Variants in CSGALNACT1 observed in about 807,000 individuals in gnomAD.
CSGALNACT1 encodes the protein chondroitin sulfate N-acetylgalactosaminyltransferase 1.
Under a neutral mutation model 51.0 loss-of-function variants are expected in CSGALNACT1, and 52 were observed. The observed-to-expected ratio is 1.02, with a 90% CI of 0.82 to 1.29. CSGALNACT1 has a LOEUF of 1.29. Among genes scored for constraint, CSGALNACT1 ranks in the 50% most tolerant of loss-of-function variants. The probability of loss-of-function intolerance (pLI) is 0.00; values close to 1 mark genes in which losing one functional copy is unlikely to be tolerated. For missense variants in CSGALNACT1, 935 were observed against 679.2 expected (o/e 1.38, Z -4.19); for synonymous variants, 341 against 254.4 (o/e 1.34, Z -3.24).
At chr8:19,686,056 C>T (rs1294101091), upstream of CSGALNACT1, among the ~76,000 whole-genome samples, 1 of 152,190 alleles carries the variant, frequency 6.6e-6, no homozygotes, top group Non-Finnish European at 1.5e-5. Flanking sequence ...GCTGCCTTTA[C>T]ACAAATGACT....
At chr8:19,533,367 C>T (rs2083155164) in intron 3 of CSGALNACT1, among the ~76,000 whole-genome samples, 1 of 152,168 alleles carries the variant, frequency 6.6e-6, no homozygotes, top group South Asian at 2.1e-4. Context: ...AGTGATCCTC[C>T]TGCCCTGGCC....
At chr8:19,532,573 A>C (rs781519480) in intron 3 of CSGALNACT1, among the ~76,000 whole-genome samples, 1 of 152,104 alleles carries the variant, frequency 6.6e-6, no homozygotes. Context: ...TTCAATCATG[A>C]TTTTCAAAAA....
intron 1 of CSGALNACT1, among the ~76,000 whole-genome samples, chr8:19,748,241 T>C (rs997806433): frequency 6.6e-6 from 1 of 152,170 alleles, no homozygotes; most frequent in African/African-American, 2.4e-5. Context: ...CAGGGGACAT[T>C]AGGAATTCAT....
chr8:19,567,585 C>CT (rs2042149347), intron 3 of CSGALNACT1, among the ~76,000 whole-genome samples: 1 of 152,214 alleles, frequency 6.6e-6, no homozygotes, highest in Non-Finnish European at 1.5e-5. Context: ...AGGATACCCA[C>CT]TACCATCACT....
chr8:19,744,617 G>A (rs1589796073), intron 1 of CSGALNACT1, among the ~76,000 whole-genome samples: 3 of 152,266 alleles, frequency 2.0e-5, no homozygotes, highest in Admixed American at 2.0e-4. Context: ...CACATAGTAT[G>A]TAGGAATATA....
At chr8:19,461,314 C>T (rs2065300269) in intron 4 of CSGALNACT1, among the ~76,000 whole-genome samples, 1 of 152,212 alleles carries the variant, frequency 6.6e-6, no homozygotes, top group African/African-American at 2.4e-5. Flanking sequence ...GGCTCTTTTC[C>T]CATCTCTGAT....
In CSGALNACT1 at chr8:19,421,643, T is replaced by C. The variant is rs17479120; in HGVS notation, c.954-1125A>G. Among the ~76,000 whole-genome samples, 1,220 of 152,348 alleles carry C rather than the reference T, an allele frequency of 8.0e-3. 7 individuals are homozygous for C. The highest frequency in any genetic ancestry group is 0.011 in the Non-Finnish European group (778 of 68,032). On this transcript the variant is annotated intron_variant, in intron 6 of 9. Coordinates refer to ENST00000454498, the Ensembl canonical transcript of CSGALNACT1. ...GAAACTCATTTCCAGTTTGTAAAGTTTGCATTCCAAGTACCCGTCTCGGGT... is the reference window on the plus strand; with the variant it reads ...GAAACTCATTTCCAGTTTGTAAAGTCTGCATTCCAAGTACCCGTCTCGGGT...
intron 1 of CSGALNACT1, among the ~76,000 whole-genome samples, chr8:19,689,806 T>C (rs186565077): frequency 6.6e-6 from 1 of 152,336 alleles, no homozygotes; most frequent in East Asian, 1.9e-4. Context: ...CAGCAAGTTT[T>C]AGCATAAAGA....
chr8:19,428,863 G>C (rs1165818110), intron 6 of CSGALNACT1, among the ~76,000 whole-genome samples: 1 of 147,678 alleles, frequency 6.8e-6, no homozygotes, highest in South Asian at 2.1e-4. Flanking sequence ...GTGTGTGTGT[G>C]TGTGTGTGTG....
At chr8:19,494,331 C>T in intron 4 of CSGALNACT1, among the ~76,000 whole-genome samples, 1 of 152,112 alleles carries the variant, frequency 6.6e-6, no homozygotes, top group East Asian at 1.9e-4. Flanking sequence ...CTTTGGCCTA[C>T]ACCAATTCTA....
rs138515221 is a variant in CSGALNACT1, at chr8:19,572,114, G to A, written c.-297+19046C>T. Among the ~76,000 whole-genome samples, 116 of 152,122 alleles carry A rather than the reference G, an allele frequency of 7.6e-4. 1 individual carries two copies. The highest frequency in any genetic ancestry group is 4.6e-3 in the South Asian group (22 of 4,824). ...TCTGCCAGTCAACCAGAAAAACATC[G>A]GCAACAACAACAAAAATATTTACAT... On this transcript the variant is annotated intron_variant, in intron 3 of 9. Transcript: ENST00000454498.
chr8:19,558,554 C>T (rs184378324), intron 3 of CSGALNACT1, among the ~76,000 whole-genome samples: 48 of 152,136 alleles, frequency 3.2e-4, no homozygotes, highest in African/African-American at 9.9e-4. Context: ...TAACATAAAT[C>T]GAAATTATAT....
At chr8:19,717,635 G>A (rs891253729) in intron 1 of CSGALNACT1, among the ~76,000 whole-genome samples, 31 of 152,110 alleles carry the variant, frequency 2.0e-4, no homozygotes, top group African/African-American at 6.8e-4. Context: ...CAGCTAATAC[G>A]CCCTATTCGG....
At chr8:19,420,954 T>A (rs2057825160) in intron 6 of CSGALNACT1, among the ~76,000 whole-genome samples, 1 of 152,214 alleles carries the variant, frequency 6.6e-6, no homozygotes, top group Admixed American at 6.5e-5. Context: ...TGCATTCACA[T>A]CCAGGAGCCA....
chr8:19,679,398 A>T (rs1417930693), intron 1 of CSGALNACT1, among the ~76,000 whole-genome samples: 1 of 152,110 alleles, frequency 6.6e-6, no homozygotes, highest in Non-Finnish European at 1.5e-5. Flanking sequence ...TCGAGGCTGC[A>T]ATGAGCCATG....
intron 3 of CSGALNACT1, among the ~76,000 whole-genome samples, chr8:19,562,429 A>T (rs2040950788): frequency 6.6e-6 from 1 of 151,884 alleles, no homozygotes; most frequent in Non-Finnish European, 1.5e-5. Context: ...GTCAAAAGCA[A>T]TTTCATCAAA....
At chr8:19,480,417 T>G (rs970211854) in intron 4 of CSGALNACT1, among the ~76,000 whole-genome samples, 1 of 152,190 alleles carries the variant, frequency 6.6e-6, no homozygotes, top group African/African-American at 2.4e-5. Context: ...GGTCTCCAGC[T>G]CCATCCAGGT....
At position 19,433,554 on chromosome 8, in the gene CSGALNACT1, G is replaced by A. The variant is rs1412640121; in HGVS notation, c.953+6276C>T. Among the ~76,000 whole-genome samples the A allele has an allele frequency of 3.3e-5, 5 of 152,268 alleles. No homozygotes were observed. The South Asian group carries it at 1.0e-3, about 32-fold the overall frequency. On this transcript the variant is annotated intron_variant, in intron 6 of 9. Transcript: ENST00000454498. ...TTAAACACTTCCTATAATTGTTTTA[G>A]ACAAATGCTCTCCCTGAAGAAAATA...
intron 1 of CSGALNACT1, among the ~76,000 whole-genome samples, chr8:19,616,976 T>A (rs2053117879): frequency 6.6e-6 from 1 of 152,220 alleles, no homozygotes; most frequent in African/African-American, 2.4e-5. Context: ...ATTTCTATTA[T>A]TACCACATTG....
Sources: allele counts gnomAD v4.1 joint callset (sites outside exome capture counted in the v4.1 genomes callset), GRCh38; gene constraint gnomAD v4.1.1; transcripts MANE v1.5; gene names NCBI Gene and HGNC (gene_info 2026-07-23, HGNC 2026-07-21).